The following NINL variants were observed in gnomAD, a reference collection of about 807,000 sequenced individuals.
NINL encodes the protein ninein like.
A neutral mutation model predicts 160.3 loss-of-function variants in NINL; 153 were observed. The observed-to-expected ratio is 0.95, with a 90% CI of 0.84 to 1.09. The LOEUF is 1.09. NINL is among the 50% of genes least tolerant of loss of function. The probability of loss-of-function intolerance (pLI) is 0.00; values close to 1 mark genes in which losing one functional copy is unlikely to be tolerated. For missense variants in NINL, 1,829 were observed against 1,764.0 expected, an observed-to-expected ratio of 1.04 and a Z score of -0.66; for synonymous variants, 800 against 734.8, an observed-to-expected ratio of 1.09 and a Z score of -1.43.
At chr20:25,493,845 A>G (rs955305628) in intron 10 of NINL, among the ~76,000 whole-genome samples, 10 of 151,992 alleles carry the variant, frequency 6.6e-5, no homozygotes, top group Non-Finnish European at 1.5e-4. Flanking sequence ...CAGCACCTCC[A>G]TGTGGAGGGC....
intron 22 of NINL, among the ~76,000 whole-genome samples, chr20:25,458,133 C>T (rs2090737988): frequency 6.6e-6 from 1 of 152,114 alleles, no homozygotes; most frequent in Admixed American, 6.5e-5. Flanking sequence ...TGCTCCCCTG[C>T]CACATGGCGC....
rs141921487 is a variant in NINL, at chr20:25,511,168, G to A, written c.451-428C>T. 2.9e-3 allele frequency among the ~76,000 whole-genome samples: 443 copies of A among 152,268 alleles called. 3 individuals carry two copies. Among genetic ancestry groups the A allele is most frequent in the African/African-American group, 9.7e-3 (402 of 41,536 alleles). On this transcript the variant is annotated intron_variant, in intron 4 of 23. Coordinates refer to ENST00000278886, the MANE Select transcript of NINL (RefSeq NM_025176.6). ...AATCATTCAGTCTCAGGACACGCTCGCCATACAAGGCTTGCAACACGCCTC... is the reference window on the plus strand; with the variant it reads ...AATCATTCAGTCTCAGGACACGCTCACCATACAAGGCTTGCAACACGCCTC...
rs751298110 is a variant in NINL at position 25,491,419 on chromosome 20, C to G, written c.1417G>C (p.Glu473Gln). ...EQAHRQRAALEWDVGRLQAEE... is the reference protein window; with the variant it reads ...EQAHRQRAALQWDVGRLQAEE... ...GCCTGCAGGCGCCCCACGTCCCACT[C>G]CAGCGCGGCCCTCTGCCTGTGGGCC... The change falls in exon 11 of 24, where the codon GAG becomes CAG. Residue 473 changes from glutamate (E) to glutamine (Q), a missense_variant. By Grantham distance (29) the Glu-to-Gln change is conservative. Transcript: ENST00000278886. The G allele has an allele frequency of 1.2e-6, 2 of 1,613,514 alleles. No homozygotes were observed. The highest frequency in any genetic ancestry group is 2.2e-5 in the South Asian group (2 of 91,076).
At chr20:25,488,452 C>T (rs1244644802) in intron 13 of NINL, among the ~76,000 whole-genome samples, 2 of 152,092 alleles carry the variant, frequency 1.3e-5, no homozygotes, top group African/African-American at 4.8e-5. Context: ...TCTTGAACTC[C>T]TGACCGCATG....
intron 1 of NINL, among the ~76,000 whole-genome samples, chr20:25,577,619 T>C (rs1216477983): frequency 1.3e-5 from 2 of 152,220 alleles, no homozygotes; most frequent in African/African-American, 4.8e-5. Flanking sequence ...TATTGCACTA[T>C]ATTGACTGAT....
intron 1 of NINL, among the ~76,000 whole-genome samples, chr20:25,575,833 C>A (rs1395654629): frequency 6.6e-6 from 1 of 152,144 alleles, no homozygotes; most frequent in Non-Finnish European, 1.5e-5. Flanking sequence ...GGCTTCACCA[C>A]CTGTTTCCAC....
intron 1 of NINL, among the ~76,000 whole-genome samples, chr20:25,539,140 A>T (rs559850873): frequency 9.2e-5 from 14 of 152,340 alleles, no homozygotes; most frequent in African/African-American, 2.9e-4. Context: ...CCTGCAGCAC[A>T]GTTGTGTGCA....
intron 1 of NINL, among the ~76,000 whole-genome samples, chr20:25,576,894 C>T (rs753310183): frequency 6.6e-6 from 1 of 152,246 alleles, no homozygotes; most frequent in African/African-American, 2.4e-5. Flanking sequence ...CAACAGTGTA[C>T]ACTATCAAGT....
At chr20:25,480,755 G>A (rs1434983200) in intron 14 of NINL, among the ~76,000 whole-genome samples, 1 of 152,194 alleles carries the variant, frequency 6.6e-6, no homozygotes, top group Non-Finnish European at 1.5e-5. Context: ...AGTTCTGAGA[G>A]GCAGTTCTGG....
Position 25,562,199 on chromosome 20 carries a change from C to T in NINL, c.-12+23256G>A, listed in dbSNP as rs1169267928. Reference sequence around the variant, plus strand: ...GGGGTCAGCCCCCTGCCCGGCCAGCCGCCCCGTCCGGGAGGTGAGGGGCGC... The same window carrying T: ...GGGGTCAGCCCCCTGCCCGGCCAGCTGCCCCGTCCGGGAGGTGAGGGGCGC... On this transcript the variant is annotated intron_variant, in intron 1 of 23. Coordinates refer to ENST00000278886, the MANE Select transcript of NINL (RefSeq NM_025176.6). 1.1e-4 allele frequency among the ~76,000 whole-genome samples: 16 copies of T among 141,828 alleles called. No individual in the cohort carries two copies. In the South Asian group the frequency reaches 3.3e-3, roughly 29 times the overall value. The allele number at this position is 141,828 out of a possible 152,430, so 93.0% of individuals were successfully genotyped here. A position where few individuals can be genotyped will look rare whatever the true frequency, so the allele number is the denominator to read the frequency against.
At chr20:25,477,327 CT>C (rs1568875550) in intron 16 of NINL, among the ~76,000 whole-genome samples, 1 of 152,246 alleles carries the variant, frequency 6.6e-6, no homozygotes, top group African/African-American at 2.4e-5. Flanking sequence ...AGCACGAACC[CT>C]TTCCATGTGG....
In NINL at chr20:25,482,061, CCAGCTCAGCTTG is replaced by C. The variant is rs1283121079; in HGVS notation, c.1705_1716del (p.Gln569_Leu572del). On this transcript the variant is annotated inframe_deletion, in exon 14 of 24. Transcript: ENST00000278886. ...TTGGGCAGCCGCGCCCACAGGCCTT[CCAGCTCAGCTTG>C]CAGCTCATCGTTGCGGTCCTGCAGG... 33 of 1,598,422 alleles carry C rather than the reference CCAGCTCAGCTTG, an allele frequency of 2.1e-5. No homozygotes were observed. The highest frequency in any genetic ancestry group is 2.5e-5 in the Non-Finnish European group (30 of 1,179,780).
At position 25,504,090 on chromosome 20, in the gene NINL, C is replaced by A; in HGVS notation, c.723G>T (p.Leu241=). 1 of 1,582,376 alleles carries A rather than the reference C, an allele frequency of 6.3e-7. No individual in the cohort carries two copies. Among genetic ancestry groups the A allele is most frequent in the Non-Finnish European group, 8.6e-7 (1 of 1,165,360 alleles). The change falls in exon 7 of 24, where the codon CTG becomes CTT. Residue 241 remains leucine (L), a synonymous_variant. Transcript: ENST00000278886. ...CTCCGTCTTGATCCAGTTTGTTAAA[C>A]AGGTCTTCGAGTTCCTAAACAAAAG... ...QGLEKEELED[L]FNKLDQDGDG...
chr20:25,489,258 C>T lies in NINL; in HGVS notation c.1663G>A (p.Glu555Lys), dbSNP rs758603952. ...CAGGCACGTACCCGGCACTTGAGCTCGTATTCCTTCAGGACTGCTGCGAAC... is the reference window on the plus strand; with the variant it reads ...CAGGCACGTACCCGGCACTTGAGCTTGTATTCCTTCAGGACTGCTGCGAAC... ...ERFAAVLKEY[E>K]LKCRDLQDRN... Residue 555 changes from glutamate (E) to lysine (K), a missense_variant, in exon 13 of 24, where the codon GAG becomes AAG. Coordinates refer to ENST00000278886, the MANE Select transcript of NINL (RefSeq NM_025176.6). The T allele has an allele frequency of 2.9e-5, 47 of 1,614,034 alleles. No homozygotes were observed. The highest frequency in any genetic ancestry group is 1.6e-4 in the Middle Eastern group (1 of 6,084).
chr20:25,512,391 G>A (rs957500609), intron 4 of NINL, among the ~76,000 whole-genome samples: 6 of 152,144 alleles, frequency 3.9e-5, no homozygotes, highest in Admixed American at 2.6e-4. Flanking sequence ...TGGTAGTATC[G>A]GGAAAGAGAG....
intron 2 of NINL, among the ~76,000 whole-genome samples, chr20:25,524,669 G>A (rs531849374): frequency 1.4e-4 from 22 of 152,270 alleles, no homozygotes; most frequent in African/African-American, 5.3e-4. Context: ...CCTTGCTGAT[G>A]CTCTAATACC....
intron 5 of NINL, among the ~76,000 whole-genome samples, chr20:25,507,162 C>G (rs2063976921): frequency 6.6e-6 from 1 of 152,160 alleles, no homozygotes; most frequent in South Asian, 2.1e-4. Context: ...TGCTTGCTTC[C>G]CCAGGGTGTC....
At position 25,544,669 on chromosome 20, in the gene NINL, G is replaced by A. The variant is rs961119253; in HGVS notation, c.-11-18071C>T. On this transcript the variant is annotated intron_variant, in intron 1 of 23. Coordinates refer to ENST00000278886, the MANE Select transcript of NINL (RefSeq NM_025176.6). ...CTGGAGTCTGTATTTTTCACATTACGATTCCTAAACTCAACTCCCTCCTTT... is the reference window on the plus strand; with the variant it reads ...CTGGAGTCTGTATTTTTCACATTACAATTCCTAAACTCAACTCCCTCCTTT... 5.3e-5 allele frequency among the ~76,000 whole-genome samples: 8 copies of A among 152,120 alleles called. No individual in the cohort carries two copies. The South Asian group carries it at 1.2e-3, about 24-fold the overall frequency.
chr20:25,480,199 C>T lies in NINL; in HGVS notation c.1879G>A (p.Glu627Lys), dbSNP rs1276227640. The T allele has an allele frequency of 8.1e-6, 13 of 1,613,958 alleles. No homozygotes were observed. In the Middle Eastern group the frequency reaches 1.3e-3, roughly 164 times the overall value. ...TGGGTCCTGAGGTCTTGGTAATGCTCCTTTACCTGCTCCATCATCAGCTCC... is the reference window on the plus strand; with the variant it reads ...TGGGTCCTGAGGTCTTGGTAATGCTTCTTTACCTGCTCCATCATCAGCTCC... ...ETELMMEQVK[E>K]HYQDLRTQLE... is the part of the protein sequence containing the mutation. The change falls in exon 15 of 24, where the codon GAG becomes AAG. Residue 627 changes from glutamate to lysine, a missense_variant. Coordinates refer to ENST00000278886, the MANE Select transcript of NINL (RefSeq NM_025176.6).
Sources: gnomAD v4.1 joint callset for allele counts (sites outside exome capture counted in the v4.1 genomes callset) on GRCh38, gnomAD v4.1.1 for gene constraint, MANE v1.5 for transcripts, NCBI Gene and HGNC (gene_info 2026-07-23, HGNC 2026-07-21) for gene names.